Variants in ERBB4 observed in about 807,000 individuals in gnomAD.
ERBB4 encodes the protein receptor tyrosine-protein kinase erbB-4.
A neutral mutation model predicts 158.0 loss-of-function variants in ERBB4; 42 were observed. The ratio of observed to expected loss-of-function variants is 0.27; its 90% CI spans 0.21 to 0.34. The LOEUF (loss-of-function observed/expected upper bound fraction) is 0.34. Among genes scored for constraint, ERBB4 ranks in the 10% least tolerant of loss-of-function variants. ERBB4 has a pLI of 1.00. For synonymous variants in ERBB4, 583 were observed against 558.7 expected (o/e 1.04, Z -0.61); for missense variants, 1,333 against 1,624.1 (o/e 0.82, Z 3.08).
At chr2:211,419,214 C>A (rs891924931) in intron 25 of ERBB4, among the ~76,000 whole-genome samples, 1 of 152,014 alleles carries the variant, frequency 6.6e-6, no homozygotes, top group African/African-American at 2.4e-5. Flanking sequence ...TGTGTGACAC[C>A]AGTCATATCA....
intron 20 of ERBB4, among the ~76,000 whole-genome samples, chr2:211,453,451 A>G (rs2125483658): frequency 6.6e-6 from 1 of 152,254 alleles, no homozygotes; most frequent in African/African-American, 2.4e-5. Flanking sequence ...CTCTTTTTAT[A>G]CTGTAGTACT....
At chr2:211,939,148 T>C (rs1160082772) in intron 3 of ERBB4, among the ~76,000 whole-genome samples, 1 of 152,166 alleles carries the variant, frequency 6.6e-6, no homozygotes, top group Non-Finnish European at 1.5e-5. Context: ...TAAGACCTAT[T>C]GCTCAAGTTT....
intron 5 of ERBB4, 44 bp from the exon 6 acceptor site, chr2:211,725,238 G>A (rs2074228831): frequency 6.9e-7 from 1 of 1,445,858 alleles, no homozygotes; most frequent in Admixed American, 1.7e-5. Context: ...TCTGCCACCA[G>A]GAGAAACTCA....
chr2:211,798,371 G>C (rs1471388119), intron 3 of ERBB4, among the ~76,000 whole-genome samples: 8 of 151,916 alleles, frequency 5.3e-5, no homozygotes, highest in Admixed American at 5.2e-4. Context: ...TATTATTCCA[G>C]TCTGTGAATA....
intron 1 of ERBB4, among the ~76,000 whole-genome samples, chr2:212,453,098 A>G (rs1465535531): frequency 6.6e-6 from 1 of 152,206 alleles, no homozygotes; most frequent in African/African-American, 2.4e-5. Flanking sequence ...TTTCAACTAG[A>G]AAACAGGGAT....
intron 1 of ERBB4, among the ~76,000 whole-genome samples, chr2:212,429,474 G>A (rs2091980771): frequency 6.6e-6 from 1 of 152,180 alleles, no homozygotes; most frequent in African/African-American, 2.4e-5. Flanking sequence ...TATATCAAAG[G>A]AGGAGGCTGT....
At chr2:212,427,536 T>A (rs184358124) in intron 1 of ERBB4, among the ~76,000 whole-genome samples, 1 of 152,292 alleles carries the variant, frequency 6.6e-6, no homozygotes, top group East Asian at 1.9e-4. Context: ...TCGCACTGTA[T>A]GAGATAGTTT....
intron 18 of ERBB4, among the ~76,000 whole-genome samples, chr2:211,622,656 C>G (rs1574873027): frequency 6.6e-6 from 1 of 151,898 alleles, no homozygotes; most frequent in African/African-American, 2.4e-5. Context: ...TAGGCTTACA[C>G]ATAGCTTTAA....
intron 3 of ERBB4, among the ~76,000 whole-genome samples, chr2:211,912,359 T>C (rs965417874): frequency 6.6e-6 from 1 of 152,066 alleles, no homozygotes; most frequent in Admixed American, 6.6e-5. Flanking sequence ...TTTTTTTACC[T>C]TCCAAGAGTA....
At chr2:212,269,490 T>C (rs1190364429) in intron 1 of ERBB4, among the ~76,000 whole-genome samples, 2 of 151,854 alleles carry the variant, frequency 1.3e-5, no homozygotes, top group Non-Finnish European at 2.9e-5. Context: ...CATCAACTGA[T>C]AGAAAGGAGT....
chr2:211,530,991 G>C (rs949580718), intron 20 of ERBB4, among the ~76,000 whole-genome samples: 2 of 152,012 alleles, frequency 1.3e-5, no homozygotes, highest in African/African-American at 4.8e-5. Flanking sequence ...ACAAATTAGA[G>C]AACCCAGAAA....
At chr2:212,135,305 T>C (rs1033202721) in intron 1 of ERBB4, among the ~76,000 whole-genome samples, 1 of 152,152 alleles carries the variant, frequency 6.6e-6, no homozygotes. Context: ...TTATACATGA[T>C]TGTCTTCTAT....
At chr2:212,184,632 C>A (rs572759570) in intron 1 of ERBB4, among the ~76,000 whole-genome samples, 1 of 147,824 alleles carries the variant, frequency 6.8e-6, no homozygotes, top group Non-Finnish European at 1.5e-5. Flanking sequence ...AACAAAATGT[C>A]TTTGTGTTCG....
intron 1 of ERBB4, among the ~76,000 whole-genome samples, chr2:212,357,357 C>T (rs374999920): frequency 6.6e-6 from 1 of 151,610 alleles, no homozygotes; most frequent in Non-Finnish European, 1.5e-5. Context: ...CAAGTGGATC[C>T]ATCTGTCCAT....
chr2:212,448,678 G>A (rs951828177), intron 1 of ERBB4, among the ~76,000 whole-genome samples: 3 of 152,024 alleles, frequency 2.0e-5, no homozygotes, highest in Non-Finnish European at 4.4e-5. Flanking sequence ...AGAAACCAGG[G>A]AACCAAAATA....
At position 211,466,507 on chromosome 2, in the gene ERBB4, T is replaced by TGGTACTGAC. The variant is rs2064693910; in HGVS notation, c.2488-35416_2488-35408dup. Among the ~76,000 whole-genome samples the TGGTACTGAC allele has an allele frequency of 2.6e-5, 4 of 152,232 alleles. No homozygotes were observed. The South Asian group carries it at 8.3e-4, about 32-fold the overall frequency. On this transcript the variant is annotated intron_variant, in intron 20 of 27. Coordinates refer to ENST00000342788, the MANE Select transcript of ERBB4 (RefSeq NM_005235.3). The stretch of plus-strand genomic sequence containing the variant: ...GGACAGGATGCCAAGCTAGATTCTT[T>TGGTACTGAC]GGTACTGACTTACATGTGTCAGAAC...
rs114855415 is a variant in ERBB4 at position 211,540,716 on chromosome 2, A to C, written c.2487+21187T>G. The stretch of plus-strand genomic sequence containing the variant: ...GTATAAGCTGAGTTTTAAATCCTGA[A>C]TAGGGTCACTAGAGAAATATTTTTT... On this transcript the variant is annotated intron_variant, in intron 20 of 27. Transcript: ENST00000342788. Among the ~76,000 whole-genome samples, 925 of 143,792 alleles carry C rather than the reference A, an allele frequency of 6.4e-3. 13 individuals carry two copies. The highest frequency in any genetic ancestry group is 0.023 in the African/African-American group (873 of 38,758). 94.3% of individuals were successfully genotyped at this position (143,792 alleles called of 152,430 possible).
intron 15 of ERBB4, 44 bp downstream of exon 15, chr2:211,665,279 G>C (rs2071584171): frequency 1.3e-6 from 2 of 1,598,860 alleles, no homozygotes; most frequent in Non-Finnish European, 1.7e-6. Flanking sequence ...GATACATGTG[G>C]ATAACACATA....
At chr2:211,624,849 G>A (rs1394271491) in intron 17 of ERBB4, among the ~76,000 whole-genome samples, 2 of 152,124 alleles carry the variant, frequency 1.3e-5, no homozygotes, top group African/African-American at 2.4e-5. Flanking sequence ...GCAAGAGGGA[G>A]GAGGAGGAAG....
Sources: allele counts gnomAD v4.1 joint callset (sites outside exome capture counted in the v4.1 genomes callset), GRCh38; gene constraint gnomAD v4.1.1; transcripts MANE v1.5; gene names NCBI Gene and HGNC (gene_info 2026-07-23, HGNC 2026-07-21).